The following RYR2 variants were observed in gnomAD, a reference collection of about 807,000 sequenced individuals.
The protein encoded by RYR2 is ryanodine receptor 2.
A neutral mutation model predicts 601.1 loss-of-function variants in RYR2; 227 were observed. The observed-to-expected ratio is 0.38, with a 90% CI of 0.34 to 0.42. The LOEUF (loss-of-function observed/expected upper bound fraction) is 0.42. Ranked by LOEUF, RYR2 falls within the 10% of genes least tolerant of loss-of-function variation. The pLI is 1.00. For synonymous variants in RYR2, 2,223 were observed against 2,175.1 expected (o/e 1.02, Z -0.61); for missense variants, 4,646 against 6,156.5 (o/e 0.75, Z 8.21).
At chr1:237,182,151 G>A (rs1218137159) in intron 1 of RYR2, among the ~76,000 whole-genome samples, 2 of 140,422 alleles carry the variant, frequency 1.4e-5, no homozygotes, top group East Asian at 2.0e-4. Flanking sequence ...AGATGGAGTC[G>A]CACTCTATTG....
intron 3 of RYR2, among the ~76,000 whole-genome samples, chr1:237,353,449 C>A (rs1571944830): frequency 7.1e-6 from 1 of 141,772 alleles, no homozygotes; most frequent in African/African-American, 2.7e-5. Context: ...GCGGAGGTTA[C>A]AGTGAGCCGA....
At position 237,424,362 on chromosome 1, in the gene RYR2, A is replaced by C. The variant is rs114362190; in HGVS notation, c.1005+1114A>C. On this transcript the variant is annotated intron_variant, in intron 12 of 104. Coordinates refer to ENST00000366574, the MANE Select transcript of RYR2 (RefSeq NM_001035.3). Reference sequence around the variant, plus strand: ...TACTCATCTAGGTATAGGCATCTTCACAGTGTTATTCAGGGCTCATTGAAA... The same window carrying C: ...TACTCATCTAGGTATAGGCATCTTCCCAGTGTTATTCAGGGCTCATTGAAA... Among the ~76,000 whole-genome samples, 892 of 152,294 alleles carry C rather than the reference A, an allele frequency of 5.9e-3. 14 individuals are homozygous for C. Among genetic ancestry groups the C allele is most frequent in the African/African-American group, 0.021 (859 of 41,548 alleles).
At chr1:237,510,209 A>G (rs1665747526) in intron 23 of RYR2, among the ~76,000 whole-genome samples, 1 of 152,176 alleles carries the variant, frequency 6.6e-6, no homozygotes, top group Non-Finnish European at 1.5e-5. Flanking sequence ...AGAGCCCCGC[A>G]GTGGGGATAG....
At chr1:237,446,338 G>A (rs1452255866) in intron 14 of RYR2, among the ~76,000 whole-genome samples, 1 of 151,938 alleles carries the variant, frequency 6.6e-6, no homozygotes, top group Non-Finnish European at 1.5e-5. Flanking sequence ...TAATTTGATG[G>A]GGGAAACTTT....
Position 237,268,708 on chromosome 1 carries a change from C to T in RYR2, c.49-1789C>T, listed in dbSNP as rs12030137. Among the ~76,000 whole-genome samples the T allele has an allele frequency of 6.5e-3, 981 of 151,694 alleles. 61 individuals carry two copies. In the East Asian group the frequency reaches 0.16, roughly 25 times the overall value. ...ATCCCAGCACTTTGGGAGGCCGAGG[C>T]GGGCGGATCACGAGGTCAGGAGATT... On this transcript the variant is annotated intron_variant, in intron 1 of 104. Transcript: ENST00000366574.
At chr1:237,533,301 C>T (rs1427539840) in intron 25 of RYR2, among the ~76,000 whole-genome samples, 6 of 152,064 alleles carry the variant, frequency 3.9e-5, no homozygotes, top group East Asian at 1.9e-4. Flanking sequence ...CAGATCAGCG[C>T]GAGCCTAAAA....
chr1:237,279,697 G>T (rs1690658772), intron 2 of RYR2, among the ~76,000 whole-genome samples: 1 of 152,158 alleles, frequency 6.6e-6, no homozygotes, highest in African/African-American at 2.4e-5. Flanking sequence ...GAGGACCATT[G>T]TTTTATGCAG....
chr1:237,216,907 AT>A (rs1398292896), intron 1 of RYR2, among the ~76,000 whole-genome samples: 4 of 152,344 alleles, frequency 2.6e-5, no homozygotes, highest in Non-Finnish European at 5.9e-5. Flanking sequence ...TGCTTTGTGC[AT>A]AGTGGCTATT....
chr1:237,267,249 T>C (rs1482204607), intron 1 of RYR2, among the ~76,000 whole-genome samples: 1 of 152,234 alleles, frequency 6.6e-6, no homozygotes, highest in African/African-American at 2.4e-5. Flanking sequence ...CTGGGCGCAG[T>C]GGCCCACGCC....
intron 24 of RYR2, among the ~76,000 whole-genome samples, chr1:237,520,109 A>G (rs1269430587): frequency 6.6e-6 from 1 of 152,094 alleles, no homozygotes; most frequent in Non-Finnish European, 1.5e-5. Context: ...TCTTAGTTAG[A>G]TTGTTACTGG....
chr1:237,650,141 C>T, intron 50 of RYR2, 44 bp downstream of exon 50: 1 of 1,526,168 alleles, frequency 6.6e-7, no homozygotes, highest in African/African-American at 1.4e-5. Context: ...CTTTAAAAAA[C>T]AGAATTTACA....
chr1:237,709,143 C>T (rs569295094), intron 69 of RYR2, 45 bp downstream of exon 69: 18 of 1,493,792 alleles, frequency 1.2e-5, no homozygotes, highest in Admixed American at 2.2e-5. Flanking sequence ...TCGGTCATAA[C>T]GTTTCTTGGC....
intron 98 of RYR2, among the ~76,000 whole-genome samples, chr1:237,805,608 A>C (rs1660548496): frequency 7.1e-6 from 1 of 140,682 alleles, no homozygotes; most frequent in African/African-American, 2.7e-5. Flanking sequence ...AAAAAAAAGT[A>C]TAGTGTACGA....
At chr1:237,152,433 T>C (rs1674823717) in intron 1 of RYR2, among the ~76,000 whole-genome samples, 1 of 152,192 alleles carries the variant, frequency 6.6e-6, no homozygotes, top group African/African-American at 2.4e-5. Context: ...TGGCACACTA[T>C]CTTCCACAAT....
At chr1:237,394,723 G>T (rs1362454713) in intron 10 of RYR2, among the ~76,000 whole-genome samples, 1 of 152,146 alleles carries the variant, frequency 6.6e-6, no homozygotes, top group Non-Finnish European at 1.5e-5. Context: ...CATGTGCTGG[G>T]TATGAAAACA....
chr1:237,159,649 A>T (rs1675791857), intron 1 of RYR2, among the ~76,000 whole-genome samples: 2 of 152,278 alleles, frequency 1.3e-5, no homozygotes. Context: ...TGGACAACAA[A>T]GTGTGACCCT....
intron 89 of RYR2, among the ~76,000 whole-genome samples, chr1:237,782,055 C>A (rs1480652798): frequency 6.6e-6 from 1 of 152,082 alleles, no homozygotes; most frequent in African/African-American, 2.4e-5. Flanking sequence ...GTTCTTAAAG[C>A]CGTGGCACTG....
chr1:237,415,626 G>A (rs1032872260), intron 10 of RYR2, among the ~76,000 whole-genome samples: 4 of 152,176 alleles, frequency 2.6e-5, no homozygotes, highest in Non-Finnish European at 5.9e-5. Context: ...AATGTAGAAA[G>A]TCCTCCAGGA....
intron 88 of RYR2, among the ~76,000 whole-genome samples, chr1:237,779,095 C>G (rs1279913577): frequency 6.6e-6 from 1 of 152,144 alleles, no homozygotes; most frequent in Non-Finnish European, 1.5e-5. Context: ...GGCCATTGCT[C>G]ACTGGAATTT....
Sources: allele counts gnomAD v4.1 joint callset (sites outside exome capture counted in the v4.1 genomes callset), GRCh38; gene constraint gnomAD v4.1.1; transcripts MANE v1.5; gene names NCBI Gene and HGNC (gene_info 2026-07-23, HGNC 2026-07-21).